The following SNTG1 variants were observed in gnomAD, a reference collection of about 807,000 sequenced individuals.
SNTG1 encodes the protein gamma-1-syntrophin.
In SNTG1, 39 loss-of-function variants were observed where a neutral mutation model predicts 74.7. The ratio of observed to expected loss-of-function variants is 0.52; its 90% CI spans 0.40 to 0.68. The LOEUF (loss-of-function observed/expected upper bound fraction) is 0.68. SNTG1 is among the 30% of genes least tolerant of loss of function. The probability of loss-of-function intolerance (pLI) is 0.00; values close to 1 mark genes in which losing one functional copy is unlikely to be tolerated. For missense variants in SNTG1, 685 were observed against 609.5 expected, an observed-to-expected ratio of 1.12 and a Z score of -1.30; for synonymous variants, 254 against 217.1, an observed-to-expected ratio of 1.17 and a Z score of -1.49.
intron 8 of SNTG1, among the ~76,000 whole-genome samples, chr8:50,496,067 A>T (rs74665210): frequency 1.2e-3 from 179 of 152,330 alleles, no homozygotes; most frequent in African/African-American, 4.2e-3. Context: ...TATAGTTTCT[A>T]GATTAGCCTA....
chr8:50,214,457 A>T (rs533514861), intron 2 of SNTG1, among the ~76,000 whole-genome samples: 1 of 152,086 alleles, frequency 6.6e-6, no homozygotes, highest in Non-Finnish European at 1.5e-5. Flanking sequence ...TCAAAATTTT[A>T]TATTCTCTTT....
At position 50,216,613 on chromosome 8, in the gene SNTG1, G is replaced by A. The variant is rs541830838; in HGVS notation, c.-28+43978G>A. 5.8e-4 allele frequency among the ~76,000 whole-genome samples: 89 copies of A among 152,152 alleles called. 1 individual carries two copies. The highest frequency in any genetic ancestry group is 5.8e-3 in the Admixed American group (89 of 15,276). ...TATCTGAAGGGGTGTATACTAGACA[G>A]TATAATTAAAGGAACATTTTTTCTG... is the stretch of plus-strand genomic sequence containing the variant. On this transcript the variant is annotated intron_variant, in intron 2 of 18. Coordinates refer to ENST00000642720, the MANE Select transcript of SNTG1 (RefSeq NM_018967.5).
chr8:50,591,048 T>C, intron 13 of SNTG1, 131 bp downstream of exon 13: 1 of 526,966 alleles, frequency 1.9e-6, no homozygotes, highest in Non-Finnish European at 3.2e-6. Flanking sequence ...GTGAGAAACA[T>C]ACATTTCAGA....
chr8:49,910,821 C>A (rs938745140), upstream of SNTG1: 1 of 152,236 alleles, frequency 6.6e-6, no homozygotes, highest in Non-Finnish European at 1.5e-5. Context: ...GATTGTCGAG[C>A]CCTCTGACTG....
intron 2 of SNTG1, among the ~76,000 whole-genome samples, chr8:50,204,279 T>G (rs1005175984): frequency 5.3e-5 from 8 of 152,170 alleles, no homozygotes; most frequent in Admixed American, 3.9e-4. Flanking sequence ...CTGTACTAGA[T>G]GTATAGTACA....
chr8:49,925,711 A>AT (rs1323015405), intron 1 of SNTG1, among the ~76,000 whole-genome samples: 1 of 152,154 alleles, frequency 6.6e-6, no homozygotes, highest in Non-Finnish European at 1.5e-5. Context: ...TTTGAGATCC[A>AT]TTTTTTGCAC....
chr8:50,038,887 G>GT (rs1818383453), intron 1 of SNTG1, among the ~76,000 whole-genome samples: 1 of 152,116 alleles, frequency 6.6e-6, no homozygotes, highest in Admixed American at 6.5e-5. Flanking sequence ...TTTCACTTTG[G>GT]TTAATCAGGT....
At chr8:50,319,877 G>T (rs1464532822) in intron 2 of SNTG1, among the ~76,000 whole-genome samples, 1 of 152,126 alleles carries the variant, frequency 6.6e-6, no homozygotes, top group East Asian at 1.9e-4. Context: ...TGGTTATGAT[G>T]AATGATCTCT....
intron 1 of SNTG1, among the ~76,000 whole-genome samples, chr8:50,028,295 T>A (rs1336864335): frequency 6.6e-6 from 1 of 152,138 alleles, no homozygotes; most frequent in Non-Finnish European, 1.5e-5. Flanking sequence ...CAATATTCAG[T>A]TTGTTTTTAT....
intron 1 of SNTG1, among the ~76,000 whole-genome samples, chr8:49,914,469 G>A (rs1329267723): frequency 6.6e-5 from 10 of 151,994 alleles, no homozygotes; most frequent in Non-Finnish European, 1.2e-4. Context: ...TCTAGAAAAT[G>A]TAAAGTATAT....
At chr8:50,151,622 T>C (rs1272250650) in intron 1 of SNTG1, among the ~76,000 whole-genome samples, 2 of 152,218 alleles carry the variant, frequency 1.3e-5, no homozygotes, top group African/African-American at 2.4e-5. Flanking sequence ...TTTGTTCTCA[T>C]TGGTTTCAAA....
intron 1 of SNTG1, among the ~76,000 whole-genome samples, chr8:50,065,301 G>GT: frequency 6.6e-6 from 1 of 152,210 alleles, no homozygotes; most frequent in East Asian, 1.9e-4. Context: ...AAAGCATCAT[G>GT]TTTTTTATCT....
chr8:49,914,120 C>G (rs1246469685), intron 1 of SNTG1, among the ~76,000 whole-genome samples: 3 of 151,840 alleles, frequency 2.0e-5, no homozygotes, highest in African/African-American at 7.3e-5. Context: ...AACTTAATGC[C>G]TACCAATGCT....
rs752277950 is a variant in SNTG1 at position 50,553,145 on chromosome 8, T to C, written c.776T>C (p.Ile259Thr). 43 of 1,613,758 alleles carry C rather than the reference T, an allele frequency of 2.7e-5. No homozygotes were observed. The South Asian group carries it at 3.6e-4, about 14-fold the overall frequency. Reference sequence around the variant, plus strand: ...GACTGCGTTGACTGGCTACAAGCAATAGCAACTAACATTTCAAATCTCACA... The same window carrying C: ...GACTGCGTTGACTGGCTACAAGCAACAGCAACTAACATTTCAAATCTCACA... ...AEDCVDWLQA[I>T]ATNISNLTKH... The change falls in exon 12 of 19, where the codon ATA becomes ACA. Residue 259 changes from isoleucine to threonine, a missense_variant. By Grantham distance (89) the Ile-to-Thr change is moderately conservative. Coordinates refer to ENST00000642720, the MANE Select transcript of SNTG1 (RefSeq NM_018967.5).
At chr8:50,691,109 C>T (rs991628418) in intron 15 of SNTG1, among the ~76,000 whole-genome samples, 1 of 152,004 alleles carries the variant, frequency 6.6e-6, no homozygotes, top group African/African-American at 2.4e-5. Context: ...TGGTAGATCT[C>T]CCTCCATCCC....
chr8:50,251,933 C>T (rs1464854697), intron 2 of SNTG1, among the ~76,000 whole-genome samples: 1 of 152,054 alleles, frequency 6.6e-6, no homozygotes, highest in African/African-American at 2.4e-5. Context: ...GCATATGGAA[C>T]ATTCTCGAGG....
intron 2 of SNTG1, among the ~76,000 whole-genome samples, chr8:50,221,510 C>CAT (rs1386738872): frequency 7.1e-5 from 9 of 126,986 alleles, no homozygotes; most frequent in Non-Finnish European, 9.8e-5. Flanking sequence ...CCAACACACA[C>CAT]ATACACACAC....
At chr8:49,975,244 G>A (rs318902) in intron 1 of SNTG1, among the ~76,000 whole-genome samples, 133,290 of 152,264 alleles carry the variant, frequency 0.88, 58,508 homozygotes, top group East Asian at 1. Flanking sequence ...CTCAACTGCC[G>A]AGATTATTTA....
chr8:50,450,774 A>G (rs1367997505), intron 8 of SNTG1, 45 bp downstream of exon 8: 28 of 1,589,008 alleles, frequency 1.8e-5, no homozygotes, highest in Non-Finnish European at 1.9e-5. Context: ...CCATGTGCAA[A>G]TAAGAATTTA....
Sources: gnomAD v4.1 joint callset for allele counts (sites outside exome capture counted in the v4.1 genomes callset) on GRCh38, gnomAD v4.1.1 for gene constraint, MANE v1.5 for transcripts, NCBI Gene and HGNC (gene_info 2026-07-23, HGNC 2026-07-21) for gene names.